Variants in PEX2 observed in about 807,000 individuals in gnomAD.
The protein encoded by PEX2 is peroxisomal biogenesis factor 2, also known as peroxisome biogenesis factor 2.
Under a neutral mutation model 25.2 loss-of-function variants are expected in PEX2, and 19 were observed. The ratio of observed to expected loss-of-function variants is 0.75; its 90% CI spans 0.53 to 1.10. PEX2 has a LOEUF of 1.10. Ranked by LOEUF, PEX2 falls within the 50% of genes least tolerant of loss-of-function variation. The pLI, the probability that PEX2 is intolerant of heterozygous loss-of-function variation, is 0.00. For missense variants in PEX2, 347 were observed against 350.6 expected (o/e 0.99, Z 0.08); for synonymous variants, 141 against 127.7 (o/e 1.10, Z -0.70).
At chr8:76,996,103 A>T (rs536496333) in intron 1 of PEX2, among the ~76,000 whole-genome samples, 1 of 152,202 alleles carries the variant, frequency 6.6e-6, no homozygotes, top group Admixed American at 6.5e-5. Context: ...GACAGTATTC[A>T]TGGAGAGTAA....
chr8:76,996,489 T>C (rs1295253526), intron 1 of PEX2, among the ~76,000 whole-genome samples: 1 of 152,182 alleles, frequency 6.6e-6, no homozygotes, highest in Non-Finnish European at 1.5e-5. Flanking sequence ...AGAGGCCAAG[T>C]ACTAAGAGTA....
At chr8:76,998,576 T>G (rs1014710982) in intron 1 of PEX2, among the ~76,000 whole-genome samples, 21 of 152,206 alleles carry the variant, frequency 1.4e-4, no homozygotes, top group South Asian at 4.1e-4. Flanking sequence ...AAATGAATAA[T>G]TATCCCAAAA....
chr8:76,991,586 T>G (rs1329574460), intron 1 of PEX2, among the ~76,000 whole-genome samples: 1 of 152,236 alleles, frequency 6.6e-6, no homozygotes, highest in Non-Finnish European at 1.5e-5. Context: ...GTTGTAAACA[T>G]AGAACAGACA....
intron 1 of PEX2, among the ~76,000 whole-genome samples, chr8:76,999,446 GAAATAT>G (rs1363511450): frequency 6.6e-6 from 1 of 152,172 alleles, no homozygotes; most frequent in Non-Finnish European, 1.5e-5. Flanking sequence ...AAGTCAACGT[GAAATAT>G]AACTAATTTA....
chr8:76,999,194 GC>G (rs1807423060), intron 1 of PEX2, among the ~76,000 whole-genome samples: 1 of 152,096 alleles, frequency 6.6e-6, no homozygotes, highest in Non-Finnish European at 1.5e-5. Context: ...GGTGTTGTGA[GC>G]GCCCAAGTAT....
At chr8:76,996,405 C>T (rs527447167) in intron 1 of PEX2, among the ~76,000 whole-genome samples, 1 of 152,218 alleles carries the variant, frequency 6.6e-6, no homozygotes, top group Middle Eastern at 3.4e-3. Context: ...ACTGACAACG[C>T]GGTAATGGAC....
At chr8:76,987,068 T>C (rs981065178) in intron 2 of PEX2, among the ~76,000 whole-genome samples, 13 of 152,230 alleles carry the variant, frequency 8.5e-5, no homozygotes, top group African/African-American at 2.9e-4. Flanking sequence ...AAGATGATTA[T>C]TACTAATTTC....
chr8:76,994,865 A>C (rs185786979), intron 1 of PEX2, among the ~76,000 whole-genome samples: 206 of 152,302 alleles, frequency 1.4e-3, no homozygotes, highest in Non-Finnish European at 2.4e-3. Context: ...TATATGAATA[A>C]AATTCTATGA....
Position 76,982,162 on chromosome 8 carries a change from T to G in PEX2, c.*1099A>C, listed in dbSNP as rs1226678089. ...GATAATTCAATGTTCAAGCTAATAATTCTATACCATTTTAAGAGTCTGAAT... is the reference window on the plus strand; with the variant it reads ...GATAATTCAATGTTCAAGCTAATAAGTCTATACCATTTTAAGAGTCTGAAT... On this transcript the variant is annotated 3_prime_UTR_variant, in exon 4 of 4. Coordinates refer to ENST00000357039, the MANE Select transcript of PEX2 (RefSeq NM_000318.3). 2.0e-5 allele frequency: 3 copies of G among 152,222 alleles called. No homozygotes were observed. The highest frequency in any genetic ancestry group is 4.4e-5 in the Non-Finnish European group (3 of 68,046). 9.4% of individuals were successfully genotyped at this position (152,222 alleles called of 1,614,324 possible).
At chr8:76,988,189 G>C (rs999178266) in intron 2 of PEX2, 118 bp downstream of exon 2, 1 of 152,060 alleles carries the variant, frequency 6.6e-6, no homozygotes, top group African/African-American at 2.4e-5. Context: ...ATATCTCTGG[G>C]CTTTTAATCC....
rs1806775110 is a variant in PEX2 at position 76,980,258 on chromosome 8, T to G, written c.*3003A>C. 6.6e-6 allele frequency: 1 copy of G among 152,210 alleles called. No homozygotes were observed. The highest frequency in any genetic ancestry group is 1.9e-4 in the East Asian group (1 of 5,190). 9.4% of individuals were successfully genotyped at this position (152,210 alleles called of 1,614,324 possible). On this transcript the variant is annotated 3_prime_UTR_variant, in exon 4 of 4. Coordinates refer to ENST00000357039, the MANE Select transcript of PEX2 (RefSeq NM_000318.3). ...TTACTCTATCAAAATAATACAATTG[T>G]TGATATAACAATTTTGTTGACTTTA...
chr8:76,983,224 G>T lies in PEX2; in HGVS notation c.*37C>A, dbSNP rs886063140. ...TGACTAATATTAAGAATTTAAACACGGTGCATTTTTTTCCTCAAAGGAAGC... is the reference window on the plus strand; with the variant it reads ...TGACTAATATTAAGAATTTAAACACTGTGCATTTTTTTCCTCAAAGGAAGC... On this transcript the variant is annotated 3_prime_UTR_variant, in exon 4 of 4. Transcript: ENST00000357039. The T allele has an allele frequency of 1.2e-6, 2 of 1,604,604 alleles. No individual in the cohort carries two copies. Among genetic ancestry groups the T allele is most frequent in the South Asian group, 1.1e-5 (1 of 91,036 alleles).
rs934436202 is a variant in PEX2, at chr8:76,982,604, G to A, written c.*657C>T. The A allele has an allele frequency of 6.6e-6, 1 of 152,646 alleles. No homozygotes were observed. The highest frequency in any genetic ancestry group is 1.5e-5 in the Non-Finnish European group (1 of 68,472). 9.5% of individuals were successfully genotyped at this position (152,646 alleles called of 1,614,324 possible). ...ACGCAGGTGGATCACCAGATCAGGA[G>A]ATAGAGACCATCCTGGCTAACACAG... On this transcript the variant is annotated 3_prime_UTR_variant, in exon 4 of 4. Coordinates refer to ENST00000357039, the MANE Select transcript of PEX2 (RefSeq NM_000318.3).
chr8:76,985,175 CAA>C (rs34238954), intron 3 of PEX2, among the ~76,000 whole-genome samples: 56,189 of 138,832 alleles, frequency 0.4, 10,778 homozygotes, highest in East Asian at 0.46. Context: ...CCACCCATGA[CAA>C]AAAAAAAAAA....
rs762829721 is a variant in PEX2 at position 76,983,631 on chromosome 8, A to G, written c.548T>C (p.Ile183Thr). ...IHSVFCKPQN[I>T]CEVGFEYMNR... ...CATGTATTCAAAGCCAACTTCACAT[A>G]TGTTTTGAGGCTTGCAAAATACAGA... The change falls in exon 4 of 4, where the codon ATA (isoleucine) becomes ACA (threonine). Residue 183 changes from isoleucine to threonine, a missense_variant. Physicochemically the swap from Ile to Thr is moderately conservative, Grantham distance 89 (BLOSUM62 -1). Transcript: ENST00000357039. 1 of 1,613,984 alleles carries G rather than the reference A, an allele frequency of 6.2e-7. No individual in the cohort carries two copies. Among genetic ancestry groups the G allele is most frequent in the Non-Finnish European group, 8.5e-7 (1 of 1,179,852 alleles).
intron 1 of PEX2, chr8:76,999,777 C>T (rs190868296): frequency 2.2e-6 from 1 of 452,168 alleles, no homozygotes; most frequent in Non-Finnish European, 4.4e-6. Flanking sequence ...TTTAATGCCG[C>T]GATCCTAAAA....
intron 1 of PEX2, among the ~76,000 whole-genome samples, chr8:76,989,288 T>C (rs1807095083): frequency 6.6e-6 from 1 of 152,220 alleles, no homozygotes. Flanking sequence ...GCTCTCTTAC[T>C]ATTTCTATCA....
At chr8:76,990,874 T>A (rs1431373375) in intron 1 of PEX2, among the ~76,000 whole-genome samples, 1 of 151,378 alleles carries the variant, frequency 6.6e-6, no homozygotes, top group African/African-American at 2.4e-5. Context: ...CCAAGTTGAG[T>A]AAATGCTGTT....
intron 1 of PEX2, among the ~76,000 whole-genome samples, chr8:76,990,971 A>C (rs1807153657): frequency 6.6e-6 from 1 of 152,198 alleles, no homozygotes; most frequent in Non-Finnish European, 1.5e-5. Flanking sequence ...AACCAGAAGA[A>C]AGCACAGTAA....
Sources: allele counts gnomAD v4.1 joint callset (sites outside exome capture counted in the v4.1 genomes callset), GRCh38; gene constraint gnomAD v4.1.1; transcripts MANE v1.5; gene names NCBI Gene and HGNC (gene_info 2026-07-23, HGNC 2026-07-21).